SEMA6D: variants seen among roughly 807,000 people sequenced by gnomAD.
The protein encoded by SEMA6D is semaphorin-6D.
SEMA6D carries 35 observed loss-of-function variants against 106.6 expected under a neutral mutation model. That is an observed-to-expected ratio of 0.33 (90% CI 0.25 to 0.44). The LOEUF (loss-of-function observed/expected upper bound fraction) is 0.44. Among genes scored for constraint, SEMA6D ranks in the 20% least tolerant of loss-of-function variants. The pLI is 1.00. For missense variants in SEMA6D, 1,185 were observed against 1,345.9 expected (o/e 0.88, Z 1.87); for synonymous variants, 499 against 487.7 (o/e 1.02, Z -0.31).
intron 2 of SEMA6D, among the ~76,000 whole-genome samples, chr15:47,428,830 C>T (rs1397178747): frequency 2.6e-5 from 4 of 151,606 alleles, no homozygotes; most frequent in African/African-American, 4.8e-5. Flanking sequence ...TTGGTATTTA[C>T]GTACCTTGTG....
At chr15:47,232,215 A>G (rs926354207) in intron 1 of SEMA6D, among the ~76,000 whole-genome samples, 26 of 152,134 alleles carry the variant, frequency 1.7e-4, no homozygotes, top group African/African-American at 6.3e-4. Flanking sequence ...ATCATATTCC[A>G]CTGTAAGGAT....
At chr15:47,365,991 T>G (rs1400414453) in intron 1 of SEMA6D, among the ~76,000 whole-genome samples, 3 of 152,118 alleles carry the variant, frequency 2.0e-5, no homozygotes, top group Non-Finnish European at 2.9e-5. Context: ...CTACCACGTT[T>G]TTTTCCAGAG....
At chr15:47,586,697 C>T (rs2076346340) in intron 3 of SEMA6D, among the ~76,000 whole-genome samples, 1 of 151,988 alleles carries the variant, frequency 6.6e-6, no homozygotes, top group South Asian at 2.1e-4. Context: ...ACAGCTGGCT[C>T]ATAGTAACAG....
intron 1 of SEMA6D, among the ~76,000 whole-genome samples, chr15:47,193,699 G>A (rs890051195): frequency 3.3e-5 from 5 of 152,112 alleles, no homozygotes; most frequent in African/African-American, 9.6e-5. Context: ...CTGTCACAGG[G>A]CCTTTGTGCA....
chr15:47,222,198 C>T (rs2141381931), intron 1 of SEMA6D, among the ~76,000 whole-genome samples: 1 of 152,272 alleles, frequency 6.6e-6, no homozygotes, highest in South Asian at 2.1e-4. Flanking sequence ...ACTAGTCTTT[C>T]ACAAAATACA....
chr15:47,555,078 A>G (rs2045877705), intron 3 of SEMA6D, among the ~76,000 whole-genome samples: 1 of 152,158 alleles, frequency 6.6e-6, no homozygotes, highest in Non-Finnish European at 1.5e-5. Flanking sequence ...CAGAGAATGG[A>G]TATACCAATC....
At position 47,252,034 on chromosome 15, in the gene SEMA6D, G is replaced by C. The variant is rs542397072; in HGVS notation, c.-239+67616G>C. Among the ~76,000 whole-genome samples the C allele has an allele frequency of 3.7e-4, 53 of 143,474 alleles. 1 individual carries two copies. The South Asian group carries it at 0.012, about 32-fold the overall frequency. 94.1% of individuals were successfully genotyped at this position (143,474 alleles called of 152,430 possible). A position where few individuals can be genotyped will look rare whatever the true frequency, so the allele number is the denominator to read the frequency against. On this transcript the variant is annotated intron_variant, in intron 1 of 19. Transcript: ENST00000558014. Reference sequence around the variant, plus strand: ...GGGTTCACGCCATTCCCCTGCCTCAGCCTCCCGAGTAGCTGGGACTACAGG... The same window carrying C: ...GGGTTCACGCCATTCCCCTGCCTCACCCTCCCGAGTAGCTGGGACTACAGG...
intron 1 of SEMA6D, among the ~76,000 whole-genome samples, chr15:47,398,526 T>C (rs1158759): frequency 0.28 from 42,991 of 152,134 alleles, 6,741 homozygotes; most frequent in East Asian, 0.49. Flanking sequence ...TGGGCATTTT[T>C]TTTAACATCC....
At chr15:47,184,824 G>T (rs569408949) in intron 1 of SEMA6D, among the ~76,000 whole-genome samples, 6 of 152,360 alleles carry the variant, frequency 3.9e-5, no homozygotes, top group African/African-American at 1.4e-4. Flanking sequence ...CCCGCAAGCT[G>T]GGCGAGTTGG....
At chr15:47,522,196 G>A (rs1242862896) in intron 3 of SEMA6D, among the ~76,000 whole-genome samples, 2 of 152,202 alleles carry the variant, frequency 1.3e-5, no homozygotes, top group African/African-American at 4.8e-5. Flanking sequence ...TTTAGACGGA[G>A]TCTCAGAATG....
chr15:47,621,927 TA>T (rs2077107414), intron 4 of SEMA6D, among the ~76,000 whole-genome samples: 1 of 152,174 alleles, frequency 6.6e-6, no homozygotes, highest in South Asian at 2.1e-4. Context: ...CACAACACTT[TA>T]ACCCCATCCC....
chr15:47,205,010 G>A (rs912425253), intron 1 of SEMA6D, among the ~76,000 whole-genome samples: 1 of 152,110 alleles, frequency 6.6e-6, no homozygotes. Context: ...TAGTAGGCAT[G>A]TGGTTGAAGA....
intron 1 of SEMA6D, among the ~76,000 whole-genome samples, chr15:47,187,410 T>G (rs895184711): frequency 6.6e-6 from 1 of 152,220 alleles, no homozygotes; most frequent in African/African-American, 2.4e-5. Flanking sequence ...ATTAAAACAT[T>G]GAAATCTCAT....
At chr15:47,527,341 T>G (rs1049931118) in intron 3 of SEMA6D, among the ~76,000 whole-genome samples, 1 of 152,200 alleles carries the variant, frequency 6.6e-6, no homozygotes, top group Non-Finnish European at 1.5e-5. Context: ...GTATCTTGGG[T>G]GCATATTTTT....
chr15:47,477,189 A>G (rs1596099933), intron 3 of SEMA6D, among the ~76,000 whole-genome samples: 1 of 152,150 alleles, frequency 6.6e-6, no homozygotes, highest in Non-Finnish European at 1.5e-5. Flanking sequence ...CTCTGACAAG[A>G]TGAGTGTTTT....
intron 3 of SEMA6D, among the ~76,000 whole-genome samples, chr15:47,515,903 C>T (rs1249941623): frequency 1.3e-5 from 2 of 152,138 alleles, no homozygotes; most frequent in Non-Finnish European, 2.9e-5. Flanking sequence ...AAAAAATACC[C>T]TTTTCTCACT....
At chr15:47,557,708 T>A (rs186897839) in intron 3 of SEMA6D, among the ~76,000 whole-genome samples, 1 of 152,328 alleles carries the variant, frequency 6.6e-6, no homozygotes, top group Non-Finnish European at 1.5e-5. Context: ...GGTTTACATT[T>A]TCTTGTTAGT....
chr15:47,365,522 GA>G (rs2038979156), intron 1 of SEMA6D, among the ~76,000 whole-genome samples: 1 of 152,220 alleles, frequency 6.6e-6, no homozygotes, highest in East Asian at 1.9e-4. Context: ...TATTTATGAT[GA>G]AACTAGTCTG....
chr15:47,372,292 TCTC>T (rs2039302056), intron 1 of SEMA6D, among the ~76,000 whole-genome samples: 1 of 152,172 alleles, frequency 6.6e-6, no homozygotes, highest in African/African-American at 2.4e-5. Context: ...CTCCCAAGCC[TCTC>T]CTCATCTTCA....
Sources: allele counts gnomAD v4.1 joint callset (sites outside exome capture counted in the v4.1 genomes callset), GRCh38; gene constraint gnomAD v4.1.1; transcripts MANE v1.5; gene names NCBI Gene and HGNC (gene_info 2026-07-23, HGNC 2026-07-21).